Variants in WDFY4 observed in about 807,000 individuals in gnomAD.
WDFY4 encodes WDFY family member 4.
In WDFY4, 169 loss-of-function variants were observed where a neutral mutation model predicts 351.9. The observed-to-expected ratio is 0.48, with a 90% confidence interval of 0.42 to 0.55. WDFY4 has a LOEUF of 0.55. Ranked by LOEUF, WDFY4 falls within the 20% of genes least tolerant of loss-of-function variation. The probability of loss-of-function intolerance (pLI) is 0.00; values close to 1 mark genes in which losing one functional copy is unlikely to be tolerated. For synonymous variants in WDFY4, 1,622 were observed against 1,574.6 expected, an observed-to-expected ratio of 1.03 and a Z score of -0.71; for missense variants, 3,803 against 3,935.6, an observed-to-expected ratio of 0.97 and a Z score of 0.90.
chr10:48,703,810 C>T (rs1019884304), intron 1 of WDFY4, among the ~76,000 whole-genome samples: 1 of 152,232 alleles, frequency 6.6e-6, no homozygotes, highest in Admixed American at 6.5e-5. Flanking sequence ...TTCATTGGGG[C>T]CGCTGTGCGC....
At chr10:48,792,291 C>G (rs1446012578) in intron 23 of WDFY4, among the ~76,000 whole-genome samples, 1 of 152,242 alleles carries the variant, frequency 6.6e-6, no homozygotes, top group African/African-American at 2.4e-5. Context: ...GAGCATGTGG[C>G]TGTTTCCTGG....
chr10:48,796,270 G>C (rs568014414), intron 23 of WDFY4, 28 bp from the exon 24 acceptor site: 2 of 1,542,942 alleles, frequency 1.3e-6, no homozygotes, highest in Non-Finnish European at 1.8e-6. Flanking sequence ...GCATTCATGA[G>C]GAAACTGCTT....
At chr10:48,693,350 C>T (rs990094220) in intron 1 of WDFY4, among the ~76,000 whole-genome samples, 3 of 152,270 alleles carry the variant, frequency 2.0e-5, no homozygotes, top group Middle Eastern at 3.4e-3. Context: ...GTGTTGGTGC[C>T]GGGCCCACTC....
rs61366126 is a variant in WDFY4, at chr10:48,982,878, G to GAAA, written c.*312_*314dup. On this transcript the variant is annotated 3_prime_UTR_variant, in exon 62 of 62. Coordinates refer to ENST00000325239, the MANE Select transcript of WDFY4 (RefSeq NM_001394531.1). ...TCACCTTATTAAGGGCTATTGCACT[G>GAAA]AAAAAAAAAAAGATGGGTCGCTTAC... 130 of 304,732 alleles carry GAAA rather than the reference G, an allele frequency of 4.3e-4. No homozygotes were observed. The highest frequency in any genetic ancestry group is 8.7e-4 in the South Asian group (30 of 34,574). The allele number at this position is 304,732 out of a possible 1,614,324, so 18.9% of individuals were successfully genotyped here. A position where few individuals can be genotyped will look rare whatever the true frequency, so the allele number is the denominator to read the frequency against.
chr10:48,838,515 G>A (rs1405744861), intron 39 of WDFY4, among the ~76,000 whole-genome samples: 2 of 152,084 alleles, frequency 1.3e-5, no homozygotes, highest in African/African-American at 4.8e-5. Context: ...CTCGGTGAGG[G>A]AAATGATGTT....
chr10:48,723,906 G>A (rs1031739491), intron 5 of WDFY4, among the ~76,000 whole-genome samples: 2 of 152,134 alleles, frequency 1.3e-5, no homozygotes, highest in African/African-American at 4.8e-5. Flanking sequence ...TGAGCATGGG[G>A]TCTGGGGTCA....
chr10:48,889,010 T>A (rs2070580914), intron 43 of WDFY4, among the ~76,000 whole-genome samples: 2 of 152,220 alleles, frequency 1.3e-5, no homozygotes, highest in Admixed American at 6.5e-5. Flanking sequence ...CCTGGCTCAG[T>A]GCCTGCCATG....
chr10:48,801,734 C>T (rs935502496), intron 24 of WDFY4, among the ~76,000 whole-genome samples: 1 of 151,940 alleles, frequency 6.6e-6, no homozygotes, highest in Non-Finnish European at 1.5e-5. Flanking sequence ...TGCATCTTTA[C>T]GAAAGATAGT....
At chr10:48,710,153 C>G (rs2063732478) in intron 2 of WDFY4, among the ~76,000 whole-genome samples, 187 bp downstream of exon 2, 1 of 152,170 alleles carries the variant, frequency 6.6e-6, no homozygotes, top group Non-Finnish European at 1.5e-5. Flanking sequence ...AGCTTAGATG[C>G]AACAGACTTA....
At chr10:48,758,520 T>C (rs1430125739) in intron 12 of WDFY4, among the ~76,000 whole-genome samples, 1 of 152,208 alleles carries the variant, frequency 6.6e-6, no homozygotes, top group African/African-American at 2.4e-5. Flanking sequence ...ACCATACTCT[T>C]TCTCGTCTCC....
chr10:48,692,215 GA>G (rs898475141), intron 1 of WDFY4, among the ~76,000 whole-genome samples: 10 of 152,198 alleles, frequency 6.6e-5, no homozygotes, highest in African/African-American at 2.4e-4. Context: ...TTCAAAAGGG[GA>G]AAAGCCCAGG....
At chr10:48,805,028 A>G (rs1194313744) in intron 25 of WDFY4, among the ~76,000 whole-genome samples, 1 of 151,944 alleles carries the variant, frequency 6.6e-6, no homozygotes, top group Non-Finnish European at 1.5e-5. Context: ...TTTGTCTTTG[A>G]AGGTGGTTTC....
intron 24 of WDFY4, among the ~76,000 whole-genome samples, chr10:48,801,041 C>T (rs1012447416): frequency 2.0e-5 from 3 of 152,142 alleles, no homozygotes; most frequent in Non-Finnish European, 4.4e-5. Context: ...CCTCTGGTTT[C>T]TTAAAGAAGG....
chr10:48,877,246 T>C, intron 43 of WDFY4, 47 bp downstream of exon 43: 8 of 1,516,642 alleles, frequency 5.3e-6, no homozygotes, highest in Non-Finnish European at 7.1e-6. Context: ...AAGTTAGTTG[T>C]TAAGATTGTC....
chr10:48,941,629 A>G (rs2671717), intron 47 of WDFY4, among the ~76,000 whole-genome samples, 177 bp from the exon 48 acceptor site: 147,103 of 152,266 alleles, frequency 0.97, 71,275 homozygotes, highest in East Asian at 1. Context: ...GGGTGGGGCA[A>G]GAAGAGCTGG....
intron 51 of WDFY4, among the ~76,000 whole-genome samples, chr10:48,952,992 C>G (rs961364266): frequency 6.6e-6 from 1 of 152,130 alleles, no homozygotes; most frequent in Non-Finnish European, 1.5e-5. Context: ...AAAAGCTGCC[C>G]TGACAGTTCA....
intron 43 of WDFY4, among the ~76,000 whole-genome samples, chr10:48,885,224 C>T (rs900591352): frequency 2.0e-5 from 3 of 152,146 alleles, no homozygotes; most frequent in Non-Finnish European, 4.4e-5. Flanking sequence ...GGGATGTAGC[C>T]TGGGAATATG....
intron 39 of WDFY4, among the ~76,000 whole-genome samples, chr10:48,860,078 CT>C: frequency 6.6e-6 from 1 of 152,304 alleles, no homozygotes; most frequent in East Asian, 1.9e-4. Flanking sequence ...GTGTCATTTC[CT>C]TTTTCATCTA....
chr10:48,970,003 C>T (rs1333501481), intron 56 of WDFY4, 128 bp from the exon 57 acceptor site: 11 of 1,163,950 alleles, frequency 9.5e-6, no homozygotes, highest in African/African-American at 1.5e-5. Flanking sequence ...CAAGAACTGG[C>T]TCCTGAACAC....
Sources: allele counts gnomAD v4.1 joint callset (sites outside exome capture counted in the v4.1 genomes callset), GRCh38; gene constraint gnomAD v4.1.1; transcripts MANE v1.5; gene names NCBI Gene and HGNC (gene_info 2026-07-23, HGNC 2026-07-21).